Variants in BCL11B observed in about 807,000 individuals in gnomAD.
The protein encoded by BCL11B is BCL11 transcription factor B, also known as B-cell lymphoma/leukemia 11B.
BCL11B carries 8 observed loss-of-function variants against 49.9 expected under a neutral mutation model. The observed-to-expected ratio is 0.16, with a 90% CI of 0.09 to 0.29. BCL11B has a LOEUF of 0.29. Ranked by LOEUF, BCL11B falls within the 10% of genes least tolerant of loss-of-function variation. The pLI, the probability that BCL11B is intolerant of heterozygous loss-of-function variation, is 1.00. For missense variants in BCL11B, 1,006 were observed against 1,351.0 expected, an observed-to-expected ratio of 0.74 and a Z score of 4.00; for synonymous variants, 739 against 637.4, an observed-to-expected ratio of 1.16 and a Z score of -2.40.
At chr14:99,187,479 G>A (rs1466521895) in intron 3 of BCL11B, among the ~76,000 whole-genome samples, 1 of 152,100 alleles carries the variant, frequency 6.6e-6, no homozygotes. Context: ...GGGTTTTGGT[G>A]GGCCGATAGC....
At chr14:99,226,652 A>T (rs1359443336) in intron 3 of BCL11B, among the ~76,000 whole-genome samples, 1 of 152,264 alleles carries the variant, frequency 6.6e-6, no homozygotes, top group Non-Finnish European at 1.5e-5. Flanking sequence ...CTTTCCAGGC[A>T]GACTGCATTA....
At chr14:99,212,108 C>G (rs1393143932) in intron 3 of BCL11B, among the ~76,000 whole-genome samples, 1 of 152,138 alleles carries the variant, frequency 6.6e-6, no homozygotes, top group Admixed American at 6.5e-5. Flanking sequence ...TCTTCTTTTC[C>G]AGGAGGTGCC....
chr14:99,225,852 C>T (rs1352524925), intron 3 of BCL11B, among the ~76,000 whole-genome samples: 1 of 152,220 alleles, frequency 6.6e-6, no homozygotes, highest in Non-Finnish European at 1.5e-5. Flanking sequence ...GCTGGGGCCT[C>T]TTTTATCTAA....
chr14:99,257,892 G>C lies in BCL11B; in HGVS notation c.59-53C>G. The C allele has an allele frequency of 6.9e-7, 1 of 1,456,876 alleles. No homozygotes were observed. 90.2% of individuals were successfully genotyped at this position (1,456,876 alleles called of 1,614,324 possible). A position where few individuals can be genotyped will look rare whatever the true frequency, so the allele number is the denominator to read the frequency against. ...GGCAGAGAAGATAGAGATGGGCTTA[G>C]GCGGTCACAGCACCCAACTTCCGGT... On this transcript the variant is annotated intron_variant, in intron 1 of 3. Coordinates refer to ENST00000357195, the MANE Select transcript of BCL11B (RefSeq NM_138576.4). This position sits in a 1 kb window ranked among gnomAD's most constrained non-coding sequence, Gnocchi z 6.2.
At chr14:99,198,970 C>T (rs1009901841) in intron 3 of BCL11B, among the ~76,000 whole-genome samples, 64 of 152,172 alleles carry the variant, frequency 4.2e-4, no homozygotes, top group African/African-American at 1.4e-3. Context: ...ACTCCCCGGA[C>T]ACCACTTGCT....
intron 3 of BCL11B, among the ~76,000 whole-genome samples, chr14:99,212,037 C>G (rs988112033): frequency 2.6e-5 from 4 of 152,034 alleles, no homozygotes; most frequent in Admixed American, 2.0e-4. Context: ...AGATTCCAAG[C>G]CCAAAGCTTC....
chr14:99,190,586 GA>G (rs1254302178), intron 3 of BCL11B, among the ~76,000 whole-genome samples: 9 of 152,202 alleles, frequency 5.9e-5, no homozygotes, highest in East Asian at 3.9e-4. Flanking sequence ...TAACAATGGG[GA>G]AAAAAATCTC....
chr14:99,249,553 C>T (rs1053698934), intron 2 of BCL11B, among the ~76,000 whole-genome samples: 8 of 152,200 alleles, frequency 5.3e-5, no homozygotes, highest in Non-Finnish European at 1.2e-4. Context: ...AAAGGAATAC[C>T]TGATTTACCA....
rs1400270028 is a variant in BCL11B at position 99,173,389 on chromosome 14, A to G, written c.*762T>C. The G allele has an allele frequency of 4.6e-6, 1 of 219,130 alleles. No homozygotes were observed. Among genetic ancestry groups the G allele is most frequent in the African/African-American group, 2.3e-5 (1 of 44,408 alleles). The allele number at this position is 219,130 out of a possible 1,614,324, so 13.6% of individuals were successfully genotyped here. Reference sequence around the variant, plus strand: ...GTGCCTCCCCCAGCACCACCACTCAAGGTTTCCCTTATGTAATATGAAAGC... The same window carrying G: ...GTGCCTCCCCCAGCACCACCACTCAGGGTTTCCCTTATGTAATATGAAAGC... On this transcript the variant is annotated 3_prime_UTR_variant, in exon 4 of 4. Transcript: ENST00000357195.
intron 3 of BCL11B, among the ~76,000 whole-genome samples, chr14:99,177,796 G>A (rs760909846): frequency 2.6e-5 from 4 of 151,950 alleles, no homozygotes; most frequent in Admixed American, 6.6e-5. Context: ...TCCACCAATC[G>A]ATTACAGGCC....
chr14:99,229,083 G>GATGA (rs1888248379), intron 3 of BCL11B, among the ~76,000 whole-genome samples: 1 of 149,206 alleles, frequency 6.7e-6, no homozygotes, highest in East Asian at 2.0e-4. Flanking sequence ...TGGATGGATG[G>GATGA]ATGGATAGAT....
At position 99,264,827 on chromosome 14, in the gene BCL11B, C is replaced by G. The variant is rs142023293; in HGVS notation, c.58+6334G>C. 3.3e-5 allele frequency: 5 copies of G among 152,286 alleles called. No individual in the cohort carries two copies. In the East Asian group the frequency reaches 9.6e-4, roughly 29 times the overall value. The allele number at this position is 152,286 out of a possible 1,614,324, so 9.4% of individuals were successfully genotyped here. A position where few individuals can be genotyped will look rare whatever the true frequency, so the allele number is the denominator to read the frequency against. The stretch of plus-strand genomic sequence containing the variant: ...AGAAATGTGTCCTTCTCTTTCCACG[C>G]GTCTCCAAATAGCCTGCTCTCGGCA... On this transcript the variant is annotated intron_variant, in intron 1 of 3. Transcript: ENST00000357195.
chr14:99,175,349 C>G lies in BCL11B; in HGVS notation c.1487G>C (p.Ser496Thr), dbSNP rs1411627303. The G allele has an allele frequency of 6.4e-7, 1 of 1,560,828 alleles. No homozygotes were observed. The highest frequency in any genetic ancestry group is 8.6e-7 in the Non-Finnish European group (1 of 1,158,748). Residue 496 changes from serine (S) to threonine (T), a missense_variant, in exon 4 of 4, where the codon AGC becomes ACC. This residue lies in a region of BCL11B where 443 missense variants were observed against 499.7 expected (regional missense o/e 0.89). Transcript: ENST00000357195. ...GRSDDGLSAASSPEPGTSELA... is the reference protein window; with the variant it reads ...GRSDDGLSAATSPEPGTSELA... ...CTCGCTGGTGCCGGGCTCGGGGGAG[C>G]TGGCGGCCGAGAGCCCGTCGTCGGA...
In BCL11B at chr14:99,228,844, G is replaced by A. The variant is rs1888229298; in HGVS notation, c.640+2501C>T. On this transcript the variant is annotated intron_variant, in intron 3 of 3. Coordinates refer to ENST00000357195, the MANE Select transcript of BCL11B (RefSeq NM_138576.4). The surrounding 1 kb of genome is among the most constrained non-coding windows in gnomAD (Gnocchi z 4.8). ...GCACGAGGGCAGGGACCTGCCTGCC[G>A]ACTCTTCCTGTGTGTGCACAGTGCT... Among the ~76,000 whole-genome samples, 3 of 152,338 alleles carry A rather than the reference G, an allele frequency of 2.0e-5. No individual in the cohort carries two copies. Among genetic ancestry groups the A allele is most frequent in the East Asian group, 1.9e-4 (1 of 5,178 alleles).
Position 99,257,956 on chromosome 14 carries a change from T to C in BCL11B, c.59-117A>G, listed in dbSNP as rs1047046155. On this transcript the variant is annotated intron_variant, in intron 1 of 3. Transcript: ENST00000357195. The surrounding 1 kb of genome is among the most constrained non-coding windows in gnomAD (Gnocchi z 6.2). ...GCCAAGAAGCAGCCCCCTCTGCTGC[T>C]GGCTGCCAGAGCTCACCAGGTCCTC... The C allele has an allele frequency of 7.8e-7, 1 of 1,284,994 alleles. No individual in the cohort carries two copies. The highest frequency in any genetic ancestry group is 1.5e-5 in the African/African-American group (1 of 67,114). 79.6% of individuals were successfully genotyped at this position (1,284,994 alleles called of 1,614,324 possible).
chr14:99,204,607 A>ATCCCAGGGGCAGTCCCTGGACACC (rs1207430567), intron 3 of BCL11B, among the ~76,000 whole-genome samples: 2 of 152,102 alleles, frequency 1.3e-5, no homozygotes, highest in African/African-American at 4.8e-5. Flanking sequence ...GCAGCTATTC[A>ATCCCAGGGGCAGTCCCTGGACACC]TCCCAGGGGC....
chr14:99,191,854 C>G (rs1157419765), intron 3 of BCL11B, among the ~76,000 whole-genome samples: 1 of 152,156 alleles, frequency 6.6e-6, no homozygotes, highest in African/African-American at 2.4e-5. Flanking sequence ...AGATGAAAAA[C>G]AAATATATAC....
Position 99,213,407 on chromosome 14 carries a change from G to C in BCL11B, c.640+17938C>G, listed in dbSNP as rs939751854. Among the ~76,000 whole-genome samples the C allele has an allele frequency of 6.6e-6, 1 of 152,210 alleles. No homozygotes were observed. Among genetic ancestry groups the C allele is most frequent in the Non-Finnish European group, 1.5e-5 (1 of 68,042 alleles). ...TATAATTGAATGGATTAACATGAAT[G>C]CGACGTTTCCCCTCCAAAAATTCGA... On this transcript the variant is annotated intron_variant, in intron 3 of 3. Transcript: ENST00000357195. This position sits in a 1 kb window ranked among gnomAD's most constrained non-coding sequence, Gnocchi z 5.1.
intron 3 of BCL11B, among the ~76,000 whole-genome samples, chr14:99,208,497 C>T (rs1887597603): frequency 6.6e-6 from 1 of 152,178 alleles, no homozygotes; most frequent in Non-Finnish European, 1.5e-5. Flanking sequence ...CCCGAGGTCT[C>T]CTGAAGCGCT....
Sources: allele counts gnomAD v4.1 joint callset (sites outside exome capture counted in the v4.1 genomes callset), GRCh38; gene constraint gnomAD v4.1.1; regional missense constraint gnomAD v4.1.1; non-coding constraint Gnocchi (gnomAD v3.1); transcripts MANE v1.5; gene names NCBI Gene and HGNC (gene_info 2026-07-23, HGNC 2026-07-21).